The following SEC14L1 variants were observed in gnomAD, a reference collection of about 807,000 sequenced individuals.
SEC14L1 encodes the protein SEC14 like lipid binding 1.
SEC14L1 carries 48 observed loss-of-function variants against 85.3 expected under a neutral mutation model. That is an observed-to-expected ratio of 0.56 (90% CI 0.45 to 0.72). The LOEUF is 0.72. Ranked by LOEUF, SEC14L1 falls within the 30% of genes least tolerant of loss-of-function variation. The pLI, the probability that SEC14L1 is intolerant of heterozygous loss-of-function variation, is 0.00. For missense variants in SEC14L1, 682 were observed against 921.4 expected (o/e 0.74, Z 3.36); for synonymous variants, 391 against 355.5 (o/e 1.10, Z -1.12).
intron 3 of SEC14L1, chr17:77,127,907 G>A (rs1429947508): frequency 6.6e-6 from 1 of 152,440 alleles, no homozygotes; most frequent in Non-Finnish European, 1.5e-5. Context: ...AGACTAGCGA[G>A]AGGTGGCCGC....
chr17:77,203,857 C>G (rs1401680876), intron 10 of SEC14L1, among the ~76,000 whole-genome samples, 199 bp downstream of exon 10: 1 of 152,206 alleles, frequency 6.6e-6, no homozygotes, highest in Non-Finnish European at 1.5e-5. Context: ...GTGGAAGCGT[C>G]AGTGAGGCAG....
At chr17:77,131,040 A>G (rs2143445674) in intron 3 of SEC14L1, among the ~76,000 whole-genome samples, 1 of 152,368 alleles carries the variant, frequency 6.6e-6, no homozygotes, top group South Asian at 2.1e-4. Flanking sequence ...AGCAACTTAC[A>G]GTTCAACAGA....
intron 5 of SEC14L1, 61 bp downstream of exon 5, chr17:77,191,373 T>C: frequency 6.3e-7 from 1 of 1,587,820 alleles, no homozygotes; most frequent in Middle Eastern, 1.7e-4. Context: ...GAGGATTGTT[T>C]GATCACCATT....
chr17:77,137,975 C>G (rs550356874), upstream of SEC14L1, among the ~76,000 whole-genome samples: 1 of 152,234 alleles, frequency 6.6e-6, no homozygotes, highest in South Asian at 2.1e-4. Context: ...AATCAGTCTC[C>G]CTGAACATTC....
rs1179122514 is a variant in SEC14L1, at chr17:77,205,272, G to A, written c.1099-4G>A. On this transcript the variant is annotated splice_polypyrimidine_tract_variant and splice_region_variant and intron_variant, in intron 10 of 16. Transcript: ENST00000436233. ...GGTAAATTTTCATGCCCTTTTGTATGTAGGTTCTCTCCATAAATGAAGAAG... is the reference window on the plus strand; with the variant it reads ...GGTAAATTTTCATGCCCTTTTGTATATAGGTTCTCTCCATAAATGAAGAAG... 6.2e-7 allele frequency: 1 copy of A among 1,613,424 alleles called. No homozygotes were observed. Among genetic ancestry groups the A allele is most frequent in the Non-Finnish European group, 8.5e-7 (1 of 1,179,692 alleles).
At chr17:77,109,384 G>A (rs776308674) in intron 3 of SEC14L1, among the ~76,000 whole-genome samples, 1 of 152,182 alleles carries the variant, frequency 6.6e-6, no homozygotes, top group South Asian at 2.1e-4. Flanking sequence ...GATCATAGGC[G>A]TGGGTCACAG....
chr17:77,138,571 G>A (rs1972860730), upstream of SEC14L1, among the ~76,000 whole-genome samples: 3 of 152,186 alleles, frequency 2.0e-5, no homozygotes, highest in Non-Finnish European at 4.4e-5. Flanking sequence ...AGTGAGCCAA[G>A]ATCGTGCCAC....
upstream of SEC14L1, chr17:77,140,775 C>T (rs1354489890): frequency 2.6e-5 from 4 of 152,112 alleles, no homozygotes; most frequent in Non-Finnish European, 4.4e-5. Context: ...CTCCCACGCT[C>T]GCGGGTCGGA....
chr17:77,156,719 CA>C (rs1450552300), intron 3 of SEC14L1, among the ~76,000 whole-genome samples: 1 of 151,302 alleles, frequency 6.6e-6, no homozygotes, highest in Admixed American at 6.6e-5. Context: ...AAAATTTTGA[CA>C]AAAGGTTACA....
chr17:77,213,677 G>C lies in SEC14L1; in HGVS notation c.2042+185G>C. 1 of 858,540 alleles carries C rather than the reference G, an allele frequency of 1.2e-6. No individual in the cohort carries two copies. Among genetic ancestry groups the C allele is most frequent in the Non-Finnish European group, 1.9e-6 (1 of 527,974 alleles). 53.2% of individuals were successfully genotyped at this position (858,540 alleles called of 1,614,324 possible). ...GACTCCCTGCCTGTCTGCAGAGGGA[G>C]AGTGTCGGAGACAGAGCCGACTGAC... On this transcript the variant is annotated intron_variant, in intron 16 of 16. Coordinates refer to ENST00000436233, the MANE Select transcript of SEC14L1 (RefSeq NM_001143998.2). The surrounding 1 kb of genome is among the most constrained non-coding windows in gnomAD (Gnocchi z 7.1).
At chr17:77,100,219 T>A (rs1971736150) in intron 3 of SEC14L1, among the ~76,000 whole-genome samples, 1 of 152,322 alleles carries the variant, frequency 6.6e-6, no homozygotes, top group East Asian at 1.9e-4. Flanking sequence ...GTGGACTGAC[T>A]TCTGCCTATT....
chr17:77,162,623 G>T (rs937599204), intron 3 of SEC14L1, among the ~76,000 whole-genome samples: 1 of 152,012 alleles, frequency 6.6e-6, no homozygotes, highest in Non-Finnish European at 1.5e-5. Flanking sequence ...ACCTGAGGTC[G>T]GGAGTTCGAG....
intron 3 of SEC14L1, among the ~76,000 whole-genome samples, chr17:77,124,337 C>T (rs983827642): frequency 6.6e-6 from 1 of 152,162 alleles, no homozygotes; most frequent in Non-Finnish European, 1.5e-5. Flanking sequence ...GCATTCCAGC[C>T]AGGGTGACAA....
intron 1 of SEC14L1, chr17:77,141,340 C>G (rs1421057207): frequency 7.4e-6 from 1 of 135,402 alleles, no homozygotes. Context: ...CCCCCCTCCC[C>G]CGCCCCCACC....
chr17:77,206,228 G>A lies in SEC14L1; in HGVS notation c.1170-1G>A. ...GAAACACATCTCTGCACAACCTGCAGCTCATGGACCTGCCTGGTGGACTTG... is the reference window on the plus strand; with the variant it reads ...GAAACACATCTCTGCACAACCTGCAACTCATGGACCTGCCTGGTGGACTTG... On this transcript the variant is annotated splice_acceptor_variant, in intron 11 of 16. Coordinates refer to ENST00000436233, the MANE Select transcript of SEC14L1 (RefSeq NM_001143998.2). LOFTEE classifies it high-confidence loss of function. This position sits in a 1 kb window ranked among gnomAD's most constrained non-coding sequence, Gnocchi z 4.3. The A allele has an allele frequency of 6.2e-7, 1 of 1,613,842 alleles. No homozygotes were observed. Among genetic ancestry groups the A allele is most frequent in the Non-Finnish European group, 8.5e-7 (1 of 1,179,758 alleles).
chr17:77,152,810 C>T (rs186607983), intron 3 of SEC14L1: 4 of 152,292 alleles, frequency 2.6e-5, no homozygotes, highest in South Asian at 2.1e-4. Flanking sequence ...TCATAAGTTG[C>T]TTGGATCCTG....
chr17:77,119,474 T>C (rs2143395767), intron 3 of SEC14L1, among the ~76,000 whole-genome samples: 1 of 152,178 alleles, frequency 6.6e-6, no homozygotes, highest in South Asian at 2.1e-4. Flanking sequence ...TAAACAAAGT[T>C]AGATGGAGGA....
intron 3 of SEC14L1, chr17:77,152,666 T>A (rs1401597819): frequency 1.3e-5 from 2 of 152,230 alleles, no homozygotes; most frequent in Non-Finnish European, 2.9e-5. Flanking sequence ...GGGGCCACTG[T>A]GCAGAGAGCC....
chr17:77,090,306 G>A (rs1190322762), intron 2 of SEC14L1, among the ~76,000 whole-genome samples: 2 of 147,754 alleles, frequency 1.4e-5, no homozygotes, highest in East Asian at 3.9e-4. Flanking sequence ...AAAAAAAAAA[G>A]GGCATAATTC....
Sources: allele counts gnomAD v4.1 joint callset (sites outside exome capture counted in the v4.1 genomes callset), GRCh38; gene constraint gnomAD v4.1.1; non-coding constraint Gnocchi (gnomAD v3.1); transcripts MANE v1.5; gene names NCBI Gene and HGNC (gene_info 2026-07-23, HGNC 2026-07-21).